Variants in SLC22A23 observed in about 807,000 individuals in gnomAD.
SLC22A23 encodes the protein solute carrier family 22 member 23, also known as ion transporter protein.
In SLC22A23, 26 loss-of-function variants were observed where a neutral mutation model predicts 61.0. The observed-to-expected ratio is 0.43, with a 90% confidence interval of 0.31 to 0.59. SLC22A23 has a LOEUF of 0.59. Among genes scored for constraint, SLC22A23 ranks in the 20% least tolerant of loss-of-function variants. The probability of loss-of-function intolerance (pLI) is 0.11; values close to 1 mark genes in which losing one functional copy is unlikely to be tolerated. For synonymous variants in SLC22A23, 430 were observed against 413.9 expected (o/e 1.04, Z -0.47); for missense variants, 796 against 934.7 (o/e 0.85, Z 1.94).
intron 1 of SLC22A23, among the ~76,000 whole-genome samples, chr6:3,416,925 G>A (rs943928057): frequency 6.6e-6 from 1 of 152,180 alleles, no homozygotes; most frequent in African/African-American, 2.4e-5. Context: ...AACATGGAAG[G>A]TGGTGGGCTG....
At chr6:3,375,467 G>C (rs1281550261) in intron 3 of SLC22A23, among the ~76,000 whole-genome samples, 1 of 152,226 alleles carries the variant, frequency 6.6e-6, no homozygotes, top group Non-Finnish European at 1.5e-5. Flanking sequence ...GCTGACTATG[G>C]TAGTGGTGCA....
intron 4 of SLC22A23, among the ~76,000 whole-genome samples, chr6:3,319,463 A>G (rs1581684456): frequency 1.3e-5 from 2 of 149,240 alleles, no homozygotes; most frequent in East Asian, 1.9e-4. Flanking sequence ...CATGTTCCTC[A>G]TGTGTGTGTG....
intron 3 of SLC22A23, among the ~76,000 whole-genome samples, chr6:3,326,968 C>G (rs544846723): frequency 2.6e-5 from 4 of 152,216 alleles, no homozygotes; most frequent in Admixed American, 1.3e-4. Flanking sequence ...CGGCATCCAT[C>G]AGGAGGGACG....
chr6:3,315,462 T>C (rs1202068531), intron 4 of SLC22A23, among the ~76,000 whole-genome samples: 1 of 152,220 alleles, frequency 6.6e-6, no homozygotes, highest in African/African-American at 2.4e-5. Flanking sequence ...ATGGTCAAGC[T>C]ATCTGTTCAC....
chr6:3,456,562 C>A lies in SLC22A23; in HGVS notation c.-3G>T. 2.0e-6 allele frequency: 2 copies of A among 983,618 alleles called. No homozygotes were observed. Among genetic ancestry groups the A allele is most frequent in the Non-Finnish European group, 1.2e-6 (1 of 830,450 alleles). The allele number at this position is 983,618 out of a possible 1,614,324, so 60.9% of individuals were successfully genotyped here. ...TCGCGCCGCCGGTCTATGGCCATGG[C>A]CCGGGCCCGCGGCTCCCGCAGAGGC... On this transcript the variant is annotated 5_prime_UTR_variant, in exon 1 of 10. Coordinates refer to ENST00000406686, the MANE Select transcript of SLC22A23 (RefSeq NM_015482.2). The surrounding 1 kb of genome is among the most constrained non-coding windows in gnomAD (Gnocchi z 7.1).
Position 3,330,572 on chromosome 6 carries a change from C to T in SLC22A23, c.914-6570G>A, listed in dbSNP as rs1454510882. 6.6e-6 allele frequency among the ~76,000 whole-genome samples: 1 copy of T among 152,238 alleles called. No homozygotes were observed. The highest frequency in any genetic ancestry group is 2.1e-4 in the South Asian group (1 of 4,834). On this transcript the variant is annotated intron_variant, in intron 3 of 9. Transcript: ENST00000406686. This position sits in a 1 kb window ranked among gnomAD's most constrained non-coding sequence, Gnocchi z 4.7. The stretch of plus-strand genomic sequence containing the variant: ...CAATAATTACTGCCACAGGCAAGGA[C>T]GCATGGCCCCCAGAATCCTGGAAAA...
At chr6:3,413,976 C>T (rs550106722) in intron 2 of SLC22A23, among the ~76,000 whole-genome samples, 24 of 152,286 alleles carry the variant, frequency 1.6e-4, no homozygotes, top group African/African-American at 3.1e-4. Flanking sequence ...AAATGGTTTG[C>T]GATGTCAGAC....
intron 3 of SLC22A23, among the ~76,000 whole-genome samples, chr6:3,361,245 G>A (rs1053760687): frequency 3.3e-5 from 5 of 151,604 alleles, no homozygotes; most frequent in Non-Finnish European, 7.4e-5. Context: ...GAGGGACACA[G>A]GGACCCCCAA....
At position 3,329,189 on chromosome 6, in the gene SLC22A23, A is replaced by T. The variant is rs968032076; in HGVS notation, c.914-5187T>A. Among the ~76,000 whole-genome samples the T allele has an allele frequency of 6.6e-6, 1 of 151,636 alleles. No individual in the cohort carries two copies. Among genetic ancestry groups the T allele is most frequent in the Non-Finnish European group, 1.5e-5 (1 of 67,946 alleles). On this transcript the variant is annotated intron_variant, in intron 3 of 9. Coordinates refer to ENST00000406686, the MANE Select transcript of SLC22A23 (RefSeq NM_015482.2). This position sits in a 1 kb window ranked among gnomAD's most constrained non-coding sequence, Gnocchi z 4.8. ...TCCCTCATCCCCCACAAACACACAC[A>T]CCGATCTAACTGTTCATTGGATTCA... is the stretch of plus-strand genomic sequence containing the variant.
chr6:3,430,937 G>A (rs1318154033), intron 1 of SLC22A23, among the ~76,000 whole-genome samples: 3 of 151,994 alleles, frequency 2.0e-5, no homozygotes, highest in African/African-American at 7.2e-5. Context: ...GTGGTGGCAC[G>A]CACCTGTAAT....
At chr6:3,275,009 A>C (rs985019680) in intron 9 of SLC22A23, among the ~76,000 whole-genome samples, 3 of 152,222 alleles carry the variant, frequency 2.0e-5, no homozygotes, top group African/African-American at 4.8e-5. Context: ...TGGAAATGCA[A>C]AAGACTCAGA....
At chr6:3,449,453 T>C (rs1391947038) in intron 1 of SLC22A23, among the ~76,000 whole-genome samples, 2 of 152,250 alleles carry the variant, frequency 1.3e-5, no homozygotes, top group Middle Eastern at 3.4e-3. Context: ...AGTGTACCTA[T>C]AAATACATAA....
chr6:3,429,704 A>G (rs925096755), intron 1 of SLC22A23, among the ~76,000 whole-genome samples: 3 of 152,354 alleles, frequency 2.0e-5, no homozygotes, highest in East Asian at 1.9e-4. Flanking sequence ...CATGCACATG[A>G]TGGAGGATTA....
chr6:3,403,880 C>T (rs1768610819), intron 3 of SLC22A23, among the ~76,000 whole-genome samples: 1 of 152,258 alleles, frequency 6.6e-6, no homozygotes, highest in African/African-American at 2.4e-5. Context: ...GTTTAAATCT[C>T]ATCCCTTACT....
chr6:3,348,236 T>A (rs978838230), intron 3 of SLC22A23, among the ~76,000 whole-genome samples: 7 of 152,250 alleles, frequency 4.6e-5, no homozygotes, highest in Admixed American at 3.3e-4. Flanking sequence ...GATGTGGGGA[T>A]GTGGGGAAGT....
chr6:3,451,420 C>T (rs544831670), intron 1 of SLC22A23, among the ~76,000 whole-genome samples: 1 of 152,332 alleles, frequency 6.6e-6, no homozygotes, highest in East Asian at 1.9e-4. Flanking sequence ...TGGTCTCAAA[C>T]TCCTAATCTC....
At chr6:3,311,896 TC>T (rs1377023091) in intron 4 of SLC22A23, 2 of 152,200 alleles carry the variant, frequency 1.3e-5, no homozygotes, top group Non-Finnish European at 2.9e-5. Context: ...GTCACCTTAT[TC>T]CTTTGGGCCT....
chr6:3,355,774 A>G (rs1034559370), intron 3 of SLC22A23, among the ~76,000 whole-genome samples: 1 of 151,362 alleles, frequency 6.6e-6, no homozygotes. Context: ...CGGGAGCCCA[A>G]GGTCTCACTC....
At position 3,410,057 on chromosome 6, in the gene SLC22A23, C is replaced by T. The variant is rs1452141381; in HGVS notation, c.913+131G>A. On this transcript the variant is annotated intron_variant, in intron 3 of 9. Transcript: ENST00000406686. This position sits in a 1 kb window ranked among gnomAD's most constrained non-coding sequence, Gnocchi z 5.0. ...AAGCCTCTTTCACAACACTTGAGGCCTTTAATGTTTGTGTTTCCACAAAAC... is the reference window on the plus strand; with the variant it reads ...AAGCCTCTTTCACAACACTTGAGGCTTTTAATGTTTGTGTTTCCACAAAAC... 3 of 1,045,258 alleles carry T rather than the reference C, an allele frequency of 2.9e-6. No individual in the cohort carries two copies. Among genetic ancestry groups the T allele is most frequent in the African/African-American group, 1.6e-5 (1 of 61,186 alleles). 64.7% of individuals were successfully genotyped at this position (1,045,258 alleles called of 1,614,324 possible). A position where few individuals can be genotyped will look rare whatever the true frequency, so the allele number is the denominator to read the frequency against.
Sources: allele counts gnomAD v4.1 joint callset (sites outside exome capture counted in the v4.1 genomes callset), GRCh38; gene constraint gnomAD v4.1.1; non-coding constraint Gnocchi (gnomAD v3.1); transcripts MANE v1.5; gene names NCBI Gene and HGNC (gene_info 2026-07-23, HGNC 2026-07-21).